The following ZNF268 variants were observed in gnomAD, a reference collection of about 807,000 sequenced individuals.
ZNF268 encodes the protein zinc finger protein 268, also known as zinc finger protein 3.
A neutral mutation model predicts 29.3 loss-of-function variants in ZNF268; 20 were observed. The observed-to-expected ratio is 0.68, with a 90% CI of 0.48 to 0.99. ZNF268 has a LOEUF of 0.99. ZNF268 is among the 50% of genes least tolerant of loss of function. The pLI is 0.00. For missense variants in ZNF268, 1,240 were observed against 1,121.6 expected (o/e 1.11, Z -1.51); for synonymous variants, 429 against 376.9 (o/e 1.14, Z -1.60).
At position 133,203,710 on chromosome 12, in the gene ZNF268, A is replaced by T. The variant is rs779380028; in HGVS notation, c.2024A>T (p.Lys675Ile). The T allele has an allele frequency of 1.7e-4, 266 of 1,547,350 alleles. No homozygotes were observed. The highest frequency in any genetic ancestry group is 2.2e-4 in the Non-Finnish European group (254 of 1,152,318). Residue 675 changes from lysine to isoleucine, a missense_variant, in exon 6 of 6, where the codon AAA becomes ATA. This residue lies in a region of ZNF268 where 1,177 missense variants were observed against 1,039.6 expected (regional missense o/e 1.13). Transcript: ENST00000536435. Reference sequence around the variant, plus strand: ...CCCTATGGATGCAGTCAATGTGCAAAAACCTTTAGTTTGAAGTCCCAGCTC... The same window carrying T: ...CCCTATGGATGCAGTCAATGTGCAATAACCTTTAGTTTGAAGTCCCAGCTC... ...VKPYGCSQCAKTFSLKSQLIV... is the reference protein window; with the variant it reads ...VKPYGCSQCAITFSLKSQLIV...
At chr12:133,191,344 G>T in intron 3 of ZNF268, 145 bp from the exon 4 acceptor site, 3 of 828,268 alleles carry the variant, frequency 3.6e-6, no homozygotes, top group Non-Finnish European at 5.6e-6. Flanking sequence ...AAAGAAAGAT[G>T]ACTGATTTAA....
rs910683486 is a variant in ZNF268, at chr12:133,202,247, A to G, written c.561A>G (p.Leu187=). The change falls in exon 6 of 6, where the codon CTA becomes CTG. Residue 187 remains leucine, a synonymous_variant. Coordinates refer to ENST00000536435, the MANE Select transcript of ZNF268 (RefSeq NM_003415.3). ...KSFECTTFGK[L]CLLSTKYLSR... ...TTGAATGCACTACATTTGGAAAACT[A>G]TGTCTTCTTAGTACAAAGTATCTTT... 8 of 1,612,312 alleles carry G rather than the reference A, an allele frequency of 5.0e-6. No individual in the cohort carries two copies. Among genetic ancestry groups the G allele is most frequent in the East Asian group, 2.2e-5 (1 of 44,846 alleles).
chr12:133,190,017 C>A (rs1442604355), intron 3 of ZNF268, among the ~76,000 whole-genome samples: 1 of 152,036 alleles, frequency 6.6e-6, no homozygotes, highest in African/African-American at 2.4e-5. Context: ...ACCATGTTAG[C>A]CAGGATGGTC....
At chr12:133,197,284 G>A (rs559057657) in intron 5 of ZNF268, among the ~76,000 whole-genome samples, 9 of 145,534 alleles carry the variant, frequency 6.2e-5, no homozygotes, top group Non-Finnish European at 7.5e-5. Context: ...GAGAATATGC[G>A]GTGTTTGGTT....
Position 133,207,124 on chromosome 12 carries a change from G to C in ZNF268, c.*2594G>C, listed in dbSNP as rs567700429. ...TTACAAAACAGAAATTGAGTTACTG[G>C]TTTGTAAATCTATCTAGTCCTTCTA... is the stretch of plus-strand genomic sequence containing the variant. On this transcript the variant is annotated 3_prime_UTR_variant, in exon 6 of 6. Coordinates refer to ENST00000536435, the MANE Select transcript of ZNF268 (RefSeq NM_003415.3). 6.6e-6 allele frequency: 1 copy of C among 152,238 alleles called. No individual in the cohort carries two copies. Among genetic ancestry groups the C allele is most frequent in the East Asian group, 1.9e-4 (1 of 5,180 alleles). The allele number at this position is 152,238 out of a possible 1,614,324, so 9.4% of individuals were successfully genotyped here.
chr12:133,181,814 T>C (rs888984306), intron 1 of ZNF268, 128 bp downstream of exon 1: 1 of 642,038 alleles, frequency 1.6e-6, no homozygotes, highest in South Asian at 1.8e-5. Context: ...GTGGAGATGG[T>C]GAATCCCGTG....
chr12:133,185,288 A>G (rs1169496297), intron 2 of ZNF268, among the ~76,000 whole-genome samples: 1 of 152,176 alleles, frequency 6.6e-6, no homozygotes, highest in Non-Finnish European at 1.5e-5. Flanking sequence ...CTGAGTTACA[A>G]TAGCAAGCCA....
rs1461584867 is a variant in ZNF268, at chr12:133,209,982, C to T, written c.*5452C>T. Reference sequence around the variant, plus strand: ...CTGGGATTTCTCCCCAGAAACAAACCCATATGTATAAAAAGTAGTTGGGCT... The same window carrying T: ...CTGGGATTTCTCCCCAGAAACAAACTCATATGTATAAAAAGTAGTTGGGCT... On this transcript the variant is annotated 3_prime_UTR_variant, in exon 6 of 6. Transcript: ENST00000536435. 1 of 152,118 alleles carries T rather than the reference C, an allele frequency of 6.6e-6. No homozygotes were observed. The highest frequency in any genetic ancestry group is 6.5e-5 in the Admixed American group (1 of 15,274). 9.4% of individuals were successfully genotyped at this position (152,118 alleles called of 1,614,324 possible).
intron 5 of ZNF268, among the ~76,000 whole-genome samples, chr12:133,196,320 A>T (rs948737816): frequency 1.9e-5 from 1 of 53,526 alleles, no homozygotes; most frequent in African/African-American, 2.4e-4. Flanking sequence ...GACTCCATCT[A>T]AAAAAAAAAA....
intron 5 of ZNF268, 118 bp from the exon 6 acceptor site, chr12:133,202,026 G>C (rs1173643014): frequency 1.2e-6 from 1 of 811,642 alleles, no homozygotes; most frequent in Non-Finnish European, 1.8e-6. Context: ...GAACTTTCTA[G>C]TATACCACAA....
At chr12:133,186,073 C>T (rs1178942845) in intron 2 of ZNF268, among the ~76,000 whole-genome samples, 1 of 152,052 alleles carries the variant, frequency 6.6e-6, no homozygotes, top group Non-Finnish European at 1.5e-5. Flanking sequence ...AGCCCTAGCC[C>T]CAGGTGGTGA....
Position 133,202,226 on chromosome 12 carries a change from A to G in ZNF268, c.540A>G (p.Glu180=), listed in dbSNP as rs779561505. ...TGGGAAGTACGGCAAAAAGCTTTGA[A>G]TGCACTACATTTGGAAAACTATGTC... The part of the protein sequence containing the change: ...DKLGSTAKSF[E]CTTFGKLCLL... The change falls in exon 6 of 6, where the codon GAA becomes GAG. Residue 180 remains glutamate (E), a synonymous_variant. Transcript: ENST00000536435. The G allele has an allele frequency of 5.6e-6, 9 of 1,611,218 alleles. No homozygotes were observed. The East Asian group carries it at 1.8e-4, about 32-fold the overall frequency.
At chr12:133,188,713 A>G (rs1308847358) in intron 3 of ZNF268, among the ~76,000 whole-genome samples, 1 of 152,206 alleles carries the variant, frequency 6.6e-6, no homozygotes, top group African/African-American at 2.4e-5. Context: ...GTTCACCTCA[A>G]TGCTGTTAAT....
Position 133,203,131 on chromosome 12 carries a change from G to C in ZNF268, c.1445G>C (p.Ser482Thr), listed in dbSNP as rs950048792. 2.6e-6 allele frequency: 4 copies of C among 1,537,480 alleles called. No homozygotes were observed. In the South Asian group the frequency reaches 4.8e-5, roughly 18 times the overall value. ...YGCIQCGKGF[S>T]LKSQLIVHQR... Reference sequence around the variant, plus strand: ...TGTATTCAGTGTGGTAAAGGATTCAGTTTGAAATCACAGCTCATTGTACAT... The same window carrying C: ...TGTATTCAGTGTGGTAAAGGATTCACTTTGAAATCACAGCTCATTGTACAT... The change falls in exon 6 of 6, where the codon AGT (serine) becomes ACT (threonine). Residue 482 changes from serine (S) to threonine (T), a missense_variant. Transcript: ENST00000536435.
intron 5 of ZNF268, among the ~76,000 whole-genome samples, chr12:133,197,875 TG>T (rs1293046189): frequency 2.0e-5 from 3 of 152,160 alleles, no homozygotes; most frequent in Admixed American, 6.5e-5. Context: ...GCCCACTTTT[TG>T]ATGGGGTTGT....
intron 5 of ZNF268, 106 bp from the exon 6 acceptor site, chr12:133,202,038 C>A: frequency 2.1e-6 from 2 of 932,840 alleles, no homozygotes; most frequent in Non-Finnish European, 3.1e-6. Context: ...ATACCACAAT[C>A]ATGTGATTTA....
Position 133,204,505 on chromosome 12 carries a change from G to T in ZNF268, c.2819G>T (p.Arg940Ile). The change falls in exon 6 of 6, where the codon AGA becomes ATA. Residue 940 changes from arginine (R) to isoleucine (I), a missense_variant. Coordinates refer to ENST00000536435, the MANE Select transcript of ZNF268 (RefSeq NM_003415.3). The stretch of plus-strand genomic sequence containing the variant: ...AAGTCACAGCTCATTATGCATCAGA[G>T]AACTCATGTAGATGACAAACATTGA... ...CWKSQLIMHQ[R>I]THVDDKH 2 of 1,524,380 alleles carry T rather than the reference G, an allele frequency of 1.3e-6. No individual in the cohort carries two copies. The highest frequency in any genetic ancestry group is 1.8e-6 in the Non-Finnish European group (2 of 1,141,914). 94.4% of individuals were successfully genotyped at this position (1,524,380 alleles called of 1,614,324 possible).
chr12:133,184,404 T>A (rs73163694), intron 2 of ZNF268, among the ~76,000 whole-genome samples: 3 of 152,148 alleles, frequency 2.0e-5, no homozygotes, highest in Admixed American at 1.3e-4. Flanking sequence ...CGCACCCGGC[T>A]CTGCTCTCTG....
chr12:133,198,800 G>A (rs1166054840), intron 5 of ZNF268, among the ~76,000 whole-genome samples: 1 of 149,034 alleles, frequency 6.7e-6, no homozygotes, highest in African/African-American at 2.5e-5. Flanking sequence ...TGAAGCAATT[G>A]TGAATGGGAG....
Sources: gnomAD v4.1 joint callset for allele counts (sites outside exome capture counted in the v4.1 genomes callset) on GRCh38, gnomAD v4.1.1 for gene constraint, gnomAD v4.1.1 regional missense constraint, MANE v1.5 for transcripts, NCBI Gene and HGNC (gene_info 2026-07-23, HGNC 2026-07-21) for gene names.